The following DCST2 variants were observed in gnomAD, a reference collection of about 807,000 sequenced individuals.
The protein encoded by DCST2 is DC-STAMP domain-containing protein 2.
DCST2 carries 64 observed loss-of-function variants against 81.8 expected under a neutral mutation model. That is an observed-to-expected ratio of 0.78 (90% CI 0.64 to 0.96). The LOEUF (loss-of-function observed/expected upper bound fraction) is 0.96. Among genes scored for constraint, DCST2 ranks in the 40% least tolerant of loss-of-function variants. DCST2 has a pLI of 0.00. For synonymous variants in DCST2, 354 were observed against 402.6 expected, an observed-to-expected ratio of 0.88 and a Z score of 1.44; for missense variants, 945 against 1,001.4, an observed-to-expected ratio of 0.94 and a Z score of 0.76.
At chr1:155,031,890 G>A in intron 3 of DCST2, 119 bp from the exon 4 acceptor site, 1 of 1,090,936 alleles carries the variant, frequency 9.2e-7, no homozygotes. Flanking sequence ...GGACCTGGCT[G>A]TGCTGTGTCC....
At chr1:155,027,198 A>ATT (rs900841532) in intron 8 of DCST2, among the ~76,000 whole-genome samples, 29 of 94,198 alleles carry the variant, frequency 3.1e-4, no homozygotes, top group South Asian at 8.2e-4. Flanking sequence ...ACGACCGGCT[A>ATT]TTTTTTTTTT....
chr1:155,030,972 G>T, intron 5 of DCST2, 197 bp downstream of exon 5: 1 of 647,458 alleles, frequency 1.5e-6, no homozygotes, highest in Non-Finnish European at 2.6e-6. Context: ...AGGCTGTGGT[G>T]AGGCACTGGC....
At position 155,027,297 on chromosome 1, in the gene DCST2, C is replaced by T. The variant is rs932998236; in HGVS notation, c.1343-582G>A. Reference sequence around the variant, plus strand: ...GCTCAAGCAATCCGCCTGCCTTAGCCTCCCAAAGTGCTAGGATTACAGGTG... The same window carrying T: ...GCTCAAGCAATCCGCCTGCCTTAGCTTCCCAAAGTGCTAGGATTACAGGTG... On this transcript the variant is annotated intron_variant, in intron 8 of 14. Coordinates refer to ENST00000368424, the MANE Select transcript of DCST2 (RefSeq NM_144622.3). 2.1e-5 allele frequency among the ~76,000 whole-genome samples: 3 copies of T among 145,978 alleles called. No individual in the cohort carries two copies. The East Asian group carries it at 6.4e-4, about 31-fold the overall frequency.
At chr1:155,032,556 A>T (rs755771217) in intron 3 of DCST2, 111 bp downstream of exon 3, 3 of 802,416 alleles carry the variant, frequency 3.7e-6, no homozygotes, top group Middle Eastern at 3.7e-4. Flanking sequence ...GGCTCAAGTG[A>T]TTCTCCCACC....
At chr1:155,026,242 C>A (rs1659904641) in intron 10 of DCST2, 60 bp downstream of exon 10, 2 of 1,562,532 alleles carry the variant, frequency 1.3e-6, no homozygotes, top group South Asian at 1.1e-5. Context: ...AAAAAGCCAG[C>A]CACTAGCTAA....
intron 3 of DCST2, among the ~76,000 whole-genome samples, chr1:155,032,298 C>CT (rs200368536): frequency 2.2e-4 from 31 of 141,838 alleles, no homozygotes; most frequent in East Asian, 1.7e-3. Context: ...GGCCCCCCCG[C>CT]TTTTTTTTTT....
chr1:155,024,631 C>T, intron 10 of DCST2, 29 bp from the exon 11 acceptor site: 11 of 1,558,394 alleles, frequency 7.1e-6, no homozygotes, highest in Non-Finnish European at 7.8e-6. Flanking sequence ...GGATGGGGTC[C>T]CACTTGACCC....
intron 14 of DCST2, among the ~76,000 whole-genome samples, chr1:155,021,107 C>A (rs1035244508): frequency 5.9e-5 from 9 of 152,084 alleles, no homozygotes; most frequent in Non-Finnish European, 1.3e-4. Context: ...TCAATCAATT[C>A]TCCTGCCTTA....
At position 155,033,452 on chromosome 1, in the gene DCST2, G is replaced by A; in HGVS notation, c.250C>T (p.Leu84=). 1 of 1,613,668 alleles carries A rather than the reference G, an allele frequency of 6.2e-7. No homozygotes were observed. Among genetic ancestry groups the A allele is most frequent in the Non-Finnish European group, 8.5e-7 (1 of 1,179,662 alleles). ...RQVRATVLLL[L]PQAFSRQGRT... ...AGCTCACTGGAGAAGGCCTGAGGCA[G>A]CAGCAGGAGGACAGTGGCTCGGACC... Residue 84 remains leucine, a synonymous_variant, in exon 1 of 15, where the codon CTG becomes TTG. Coordinates refer to ENST00000368424, the MANE Select transcript of DCST2 (RefSeq NM_144622.3).
At chr1:155,019,444 C>G (rs1382621907) in intron 14 of DCST2, among the ~76,000 whole-genome samples, 1 of 152,230 alleles carries the variant, frequency 6.6e-6, no homozygotes, top group Non-Finnish European at 1.5e-5. Context: ...GTTCTATTGA[C>G]CGTCATCTCT....
Position 155,033,421 on chromosome 1 carries a change from G to A in DCST2, c.268+13C>T, listed in dbSNP as rs1193809210. On this transcript the variant is annotated intron_variant, in intron 1 of 14. Transcript: ENST00000368424. Reference sequence around the variant, plus strand: ...CCCAGGACCTGCCCCCTAGCCCTGGGTGCCAAGCTCACTGGAGAAGGCCTG... The same window carrying A: ...CCCAGGACCTGCCCCCTAGCCCTGGATGCCAAGCTCACTGGAGAAGGCCTG... 1.2e-6 allele frequency: 2 copies of A among 1,610,878 alleles called. No individual in the cohort carries two copies. Among genetic ancestry groups the A allele is most frequent in the Non-Finnish European group, 1.7e-6 (2 of 1,177,752 alleles).
chr1:155,032,863 C>A (rs979701681), intron 2 of DCST2, 95 bp from the exon 3 acceptor site: 3 of 1,245,236 alleles, frequency 2.4e-6, no homozygotes, highest in Non-Finnish European at 3.5e-6. Flanking sequence ...AGGAGGCCAC[C>A]ATTTCCAGAG....
chr1:155,025,917 G>C (rs1222974558), intron 10 of DCST2, among the ~76,000 whole-genome samples: 3 of 150,740 alleles, frequency 2.0e-5, no homozygotes, highest in African/African-American at 7.3e-5. Context: ...CTTTGTTGCA[G>C]AAAGGGTCTA....
chr1:155,030,347 G>T, intron 6 of DCST2, 85 bp downstream of exon 6: 1 of 1,593,604 alleles, frequency 6.3e-7, no homozygotes, highest in Admixed American at 1.7e-5. Flanking sequence ...CTGGATGCTG[G>T]GGCAGGGAGA....
chr1:155,026,893 G>T, intron 8 of DCST2, 178 bp from the exon 9 acceptor site: 1 of 700,410 alleles, frequency 1.4e-6, no homozygotes, highest in Non-Finnish European at 2.4e-6. Context: ...CTCAGTTCTG[G>T]CTCCTAGGAC....
intron 14 of DCST2, among the ~76,000 whole-genome samples, chr1:155,022,502 G>A (rs76798800): frequency 1.3e-5 from 2 of 152,154 alleles, no homozygotes; most frequent in East Asian, 1.9e-4. Flanking sequence ...AGGCCAAGGC[G>A]AGAGGATGGT....
rs796314274 is a variant in DCST2 at position 155,024,338 on chromosome 1, C to T, written c.1742+134G>A. 9.6e-6 allele frequency: 12 copies of T among 1,249,736 alleles called. 1 individual carries two copies. The highest frequency in any genetic ancestry group is 7.6e-5 in the African/African-American group (5 of 65,722). 77.4% of individuals were successfully genotyped at this position (1,249,736 alleles called of 1,614,324 possible). On this transcript the variant is annotated intron_variant, in intron 11 of 14. Coordinates refer to ENST00000368424, the MANE Select transcript of DCST2 (RefSeq NM_144622.3). ...AAAAAAGAATTCCCACCTTTCACAG[C>T]GTTAAGGGTATGCAATGGGCATTCT...
chr1:155,031,964 AC>A (rs1049102683), intron 3 of DCST2, among the ~76,000 whole-genome samples, 193 bp from the exon 4 acceptor site: 2 of 152,000 alleles, frequency 1.3e-5, no homozygotes, highest in Non-Finnish European at 2.9e-5. Flanking sequence ...AGGTGAGGAG[AC>A]TGAATTTTTT....
At position 155,023,199 on chromosome 1, in the gene DCST2, G is replaced by C; in HGVS notation, c.2023C>G (p.Pro675Ala). 1 of 1,614,168 alleles carries C rather than the reference G, an allele frequency of 6.2e-7. No homozygotes were observed. The highest frequency in any genetic ancestry group is 8.5e-7 in the Non-Finnish European group (1 of 1,180,036). ...TGCTGCAATAACCATGCCTGCTCAG[G>C]GTCCTTCCTTTGAGCTGCAGCCAGC... Reference protein sequence around the residue: ...LWLAAAQRKDPEQAWLLQQQL... With the variant: ...LWLAAAQRKDAEQAWLLQQQL... Residue 675 changes from proline (P) to alanine (A), a missense_variant, in exon 14 of 15, where the codon CCT becomes GCT. By Grantham distance (27) the Pro-to-Ala change is conservative. Transcript: ENST00000368424.
Sources: allele counts gnomAD v4.1 joint callset (sites outside exome capture counted in the v4.1 genomes callset), GRCh38; gene constraint gnomAD v4.1.1; transcripts MANE v1.5; gene names NCBI Gene and HGNC (gene_info 2026-07-23, HGNC 2026-07-21).